Variants in IFT172 observed in about 807,000 individuals in gnomAD.
IFT172 encodes intraflagellar transport 172.
In IFT172, 164 loss-of-function variants were observed where a neutral mutation model predicts 248.9. The ratio of observed to expected loss-of-function variants is 0.66; its 90% confidence interval spans 0.58 to 0.75. IFT172 has a LOEUF of 0.75. Ranked by LOEUF, IFT172 falls within the 30% of genes least tolerant of loss-of-function variation. The pLI is 0.00. For synonymous variants in IFT172, 729 were observed against 791.6 expected (o/e 0.92, Z 1.33); for missense variants, 1,950 against 2,192.4 (o/e 0.89, Z 2.21).
At position 27,461,571 on chromosome 2, in the gene IFT172, C is replaced by G. The variant is rs115258584; in HGVS notation, c.2194-54G>C. 8,511 of 1,594,130 alleles carry G rather than the reference C, an allele frequency of 5.3e-3. 33 individuals are homozygous for G. The highest frequency in any genetic ancestry group is 6.6e-3 in the Non-Finnish European group (7,718 of 1,164,544). The stretch of plus-strand genomic sequence containing the variant: ...TCACATCCCCCTTCCTACCCTTCTG[C>G]CTCCCATGCTTCTCCAATCCCTCTA... On this transcript the variant is annotated intron_variant, in intron 21 of 47. Coordinates refer to ENST00000260570, the MANE Select transcript of IFT172 (RefSeq NM_015662.3).
In IFT172 at chr2:27,473,238, C is replaced by T. The variant is rs1408329999; in HGVS notation, c.1412-876G>A. Among the ~76,000 whole-genome samples the T allele has an allele frequency of 2.0e-5, 3 of 147,232 alleles. No homozygotes were observed. The East Asian group carries it at 6.7e-4, about 33-fold the overall frequency. On this transcript the variant is annotated intron_variant, in intron 14 of 47. Transcript: ENST00000260570. ...AAAAAAAATTAGCTGGGCGTGGTGG[C>T]TGGCACCTGTAGTCCCAGCTACTCG... is the stretch of plus-strand genomic sequence containing the variant.
Position 27,445,230 on chromosome 2 carries a change from A to AT in IFT172, c.5068+65dup. The AT allele has an allele frequency of 1.3e-6, 2 of 1,582,762 alleles. No individual in the cohort carries two copies. The highest frequency in any genetic ancestry group is 1.7e-6 in the Non-Finnish European group (2 of 1,162,914). On this transcript the variant is annotated intron_variant, in intron 46 of 47. Transcript: ENST00000260570. The surrounding 1 kb of genome is among the most constrained non-coding windows in gnomAD (Gnocchi z 4.4). ...GTACCCTTTACTGAATCCTAGTAAA[A>AT]TTAAGTTTATTGATCCTGCTGCTTT...
chr2:27,447,536 T>G lies in IFT172; in HGVS notation c.4638A>C (p.Ala1546=). 1 of 1,614,152 alleles carries G rather than the reference T, an allele frequency of 6.2e-7. No homozygotes were observed. Among genetic ancestry groups the G allele is most frequent in the African/African-American group, 1.3e-5 (1 of 75,060 alleles). ...LIAHYYATRS[A]AQSVKQLETV... is the part of the protein sequence containing the mutation. ...TCACCAGCTGTTTGACACTCTGGGCTGCAGAGCGCGTGGCATAGTAATGAG... is the reference window on the plus strand; with the variant it reads ...TCACCAGCTGTTTGACACTCTGGGCGGCAGAGCGCGTGGCATAGTAATGAG... Residue 1546 remains alanine, a synonymous_variant, in exon 42 of 48, where the codon GCA becomes GCC. Transcript: ENST00000260570.
intron 30 of IFT172, 22 bp downstream of exon 30, chr2:27,456,489 G>C (rs1186221477): frequency 2.5e-6 from 4 of 1,605,538 alleles, no homozygotes; most frequent in Admixed American, 1.7e-5. Context: ...GGGGCCCGTG[G>C]AGAGAAAGCT....
In IFT172 at chr2:27,445,269, G is replaced by C; in HGVS notation, c.5068+27C>G. On this transcript the variant is annotated intron_variant, in intron 46 of 47. Coordinates refer to ENST00000260570, the MANE Select transcript of IFT172 (RefSeq NM_015662.3). The surrounding 1 kb of genome is among the most constrained non-coding windows in gnomAD (Gnocchi z 4.4). ...TCCTGCTGCTTTCTACCCACCACAG[G>C]ATCTGGGGTGCTGTAGGCTTCTATA... The C allele has an allele frequency of 6.3e-7, 1 of 1,599,896 alleles. No homozygotes were observed. The highest frequency in any genetic ancestry group is 1.7e-5 in the Admixed American group (1 of 58,654).
Position 27,463,196 on chromosome 2 carries a change from C to T in IFT172, c.1938-15G>A, listed in dbSNP as rs1379018384. 1 of 1,608,376 alleles carries T rather than the reference C, an allele frequency of 6.2e-7. No individual in the cohort carries two copies. The highest frequency in any genetic ancestry group is 8.5e-7 in the Non-Finnish European group (1 of 1,174,954). On this transcript the variant is annotated splice_polypyrimidine_tract_variant and intron_variant, in intron 18 of 47. Coordinates refer to ENST00000260570, the MANE Select transcript of IFT172 (RefSeq NM_015662.3). ...CAGAAAAGCACCTATGGCATGGAAG[C>T]AATAACATTAATAGTAATATTATTA... is the stretch of plus-strand genomic sequence containing the variant.
At chr2:27,480,658 G>A (rs1648724010) in intron 8 of IFT172, among the ~76,000 whole-genome samples, 1 of 152,122 alleles carries the variant, frequency 6.6e-6, no homozygotes, top group South Asian at 2.1e-4. Flanking sequence ...GCTAATCTAG[G>A]CACTGAAAAG....
chr2:27,450,058 A>G lies in IFT172; in HGVS notation c.3990T>C (p.Arg1330=), dbSNP rs367670487. 9.9e-6 allele frequency: 16 copies of G among 1,614,136 alleles called. No individual in the cohort carries two copies. Among genetic ancestry groups the G allele is most frequent in the Non-Finnish European group, 1.4e-5 (16 of 1,180,006 alleles). The stretch of plus-strand genomic sequence containing the variant: ...CTACAGCCAGAACGACTTCCATATT[A>G]CGTTGGGGAGGCAGAAACTTGATGG... The part of the protein sequence containing the change: ...ELSIKFLPPQ[R]NMEVVLAVGP... The change falls in exon 36 of 48, where the codon CGT becomes CGC. Residue 1330 remains arginine, a synonymous_variant. Coordinates refer to ENST00000260570, the MANE Select transcript of IFT172 (RefSeq NM_015662.3).
At chr2:27,459,960 G>T in intron 23 of IFT172, 131 bp from the exon 24 acceptor site, 3 of 1,167,106 alleles carry the variant, frequency 2.6e-6, no homozygotes, top group Non-Finnish European at 3.7e-6. Flanking sequence ...CAGGCATCCT[G>T]AACACACGCA....
rs887360728 is a variant in IFT172, at chr2:27,454,943, G to A, written c.3372-283C>T. 5.3e-5 allele frequency among the ~76,000 whole-genome samples: 8 copies of A among 152,170 alleles called. No homozygotes were observed. The highest frequency in any genetic ancestry group is 1.9e-4 in the African/African-American group (8 of 41,438). On this transcript the variant is annotated intron_variant, in intron 30 of 47. Transcript: ENST00000260570. The surrounding 1 kb of genome is among the most constrained non-coding windows in gnomAD (Gnocchi z 4.2). ...GGAATTAGTTTGGGCCTGCGAAGGG[G>A]AAGGGAGGAGTGAGCCTCGCAGCCC... is the stretch of plus-strand genomic sequence containing the variant.
Position 27,483,277 on chromosome 2 carries a change from C to G in IFT172, c.570+12G>C. ...AGCAATCCAAGCCTCCCACAACATT[C>G]TTTATTCATACCTGTGACTCTCCAG... On this transcript the variant is annotated intron_variant, in intron 7 of 47. Transcript: ENST00000260570. 6.7e-7 allele frequency: 1 copy of G among 1,485,286 alleles called. No homozygotes were observed. The highest frequency in any genetic ancestry group is 2.3e-5 in the East Asian group (1 of 44,276). 92.0% of individuals were successfully genotyped at this position (1,485,286 alleles called of 1,614,324 possible).
At chr2:27,484,099 G>C (rs187092967) in intron 4 of IFT172, 128 bp downstream of exon 4, 6 of 1,387,480 alleles carry the variant, frequency 4.3e-6, no homozygotes, top group Non-Finnish European at 6.1e-6. Context: ...CAGCCATGAA[G>C]CACCATCCTT....
chr2:27,466,602 A>T (rs1403925069), intron 16 of IFT172, among the ~76,000 whole-genome samples: 1 of 152,204 alleles, frequency 6.6e-6, no homozygotes, highest in East Asian at 1.9e-4. Flanking sequence ...ATACATTCAA[A>T]GCAACATGAG....
In IFT172 at chr2:27,445,536, G is replaced by C. The variant is rs1033883604; in HGVS notation, c.4915-87C>G. 1.0e-5 allele frequency: 15 copies of C among 1,446,578 alleles called. No individual in the cohort carries two copies. In the African/African-American group the frequency reaches 1.8e-4, roughly 18 times the overall value. 89.6% of individuals were successfully genotyped at this position (1,446,578 alleles called of 1,614,324 possible). ...GATGGGTGAGGAGGGGGTTTGCTAA[G>C]CCCTCATCCTGTATACCAGCTTTTA... On this transcript the variant is annotated intron_variant, in intron 45 of 47. Coordinates refer to ENST00000260570, the MANE Select transcript of IFT172 (RefSeq NM_015662.3). This position sits in a 1 kb window ranked among gnomAD's most constrained non-coding sequence, Gnocchi z 4.4.
chr2:27,444,441 G>A lies in IFT172; in HGVS notation c.5241C>T (p.Ser1747=), dbSNP rs1289088735. The A allele has an allele frequency of 1.2e-6, 2 of 1,611,548 alleles. No individual in the cohort carries two copies. Among genetic ancestry groups the A allele is most frequent in the East Asian group, 4.5e-5 (2 of 44,878 alleles). Residue 1747 remains serine, a synonymous_variant, in exon 48 of 48, where the codon TCC becomes TCT. Coordinates refer to ENST00000260570, the MANE Select transcript of IFT172 (RefSeq NM_015662.3). ...TCCTCAGCTCTACCAACTACTGAAA[G>A]GAAAAGCTGGTGCTGGGGAGCCCTC... ...WCGGLPSTSF[S]FQ
In IFT172 at chr2:27,447,581, G is replaced by C. The variant is rs540171862; in HGVS notation, c.4593C>G (p.Phe1531Leu). 1.6e-4 allele frequency: 251 copies of C among 1,614,150 alleles called. 1 individual carries two copies. In the South Asian group the frequency reaches 2.6e-3, roughly 17 times the overall value. The change falls in exon 42 of 48, where the codon TTC becomes TTG. Residue 1531 changes from phenylalanine (F) to leucine (L), a missense_variant. Coordinates refer to ENST00000260570, the MANE Select transcript of IFT172 (RefSeq NM_015662.3). ...SEANSPAHEE[F>L]KTMLLIAHYY... is the part of the protein sequence containing the mutation. ...AATGAGCGATCAGCAGCATCGTCTTGAACTCCTCATGGGCTGGAGAGTTTG... is the reference window on the plus strand; with the variant it reads ...AATGAGCGATCAGCAGCATCGTCTTCAACTCCTCATGGGCTGGAGAGTTTG...
chr2:27,467,934 G>A (rs1276077743), intron 16 of IFT172, among the ~76,000 whole-genome samples: 2 of 152,028 alleles, frequency 1.3e-5, no homozygotes, highest in Non-Finnish European at 1.5e-5. Flanking sequence ...GCTGAGGCTG[G>A]CGGATCACAA....
At chr2:27,463,277 T>C (rs1337392516) in intron 18 of IFT172, 96 bp from the exon 19 acceptor site, 2 of 1,166,888 alleles carry the variant, frequency 1.7e-6, no homozygotes, top group East Asian at 2.6e-5. Flanking sequence ...ACATCTATGA[T>C]GTGCCAGCCA....
rs559709463 is a variant in IFT172 at position 27,475,058 on chromosome 2, T to G, written c.1411+1583A>C. Reference sequence around the variant, plus strand: ...GGAAGAGACACTCTGATTTTAAAAATGGGTAAGAGATAGGAACTAGCAATT... The same window carrying G: ...GGAAGAGACACTCTGATTTTAAAAAGGGGTAAGAGATAGGAACTAGCAATT... On this transcript the variant is annotated intron_variant, in intron 14 of 47. Transcript: ENST00000260570. 7.1e-4 allele frequency among the ~76,000 whole-genome samples: 107 copies of G among 151,036 alleles called. 1 individual carries two copies. The highest frequency in any genetic ancestry group is 1.0e-3 in the Non-Finnish European group (68 of 67,918).
Sources: gnomAD v4.1 joint callset for allele counts (sites outside exome capture counted in the v4.1 genomes callset) on GRCh38, gnomAD v4.1.1 for gene constraint, Gnocchi (gnomAD v3.1) non-coding constraint, MANE v1.5 for transcripts, NCBI Gene and HGNC (gene_info 2026-07-23, HGNC 2026-07-21) for gene names.